GOPC: variants seen among roughly 807,000 people sequenced by gnomAD.
The protein encoded by GOPC is golgi associated PDZ and coiled-coil motif containing.
A neutral mutation model predicts 51.2 loss-of-function variants in GOPC; 32 were observed. That is an observed-to-expected ratio of 0.63 (90% confidence interval 0.47 to 0.84). GOPC has a LOEUF of 0.84. Among genes scored for constraint, GOPC ranks in the 40% least tolerant of loss-of-function variants. GOPC has a pLI of 0.00. For missense variants in GOPC, 441 were observed against 555.5 expected (o/e 0.79, Z 2.07); for synonymous variants, 190 against 205.1 (o/e 0.93, Z 0.63).
Position 117,561,651 on chromosome 6 carries a change from T to A in GOPC, c.*1603A>T, listed in dbSNP as rs1212609061. 1 of 202,830 alleles carries A rather than the reference T, an allele frequency of 4.9e-6. No individual in the cohort carries two copies. The highest frequency in any genetic ancestry group is 1.0e-5 in the Non-Finnish European group (1 of 98,580). 12.6% of individuals were successfully genotyped at this position (202,830 alleles called of 1,614,324 possible). A position where few individuals can be genotyped will look rare whatever the true frequency, so the allele number is the denominator to read the frequency against. On this transcript the variant is annotated 3_prime_UTR_variant, in exon 9 of 9. Transcript: ENST00000368498. ...AATAACATGTAACTTGCTTATTCAT[T>A]TGTACAATTAAATACTAGCTTTTGC...
chr6:117,578,771 A>G (rs1486543038), intron 2 of GOPC, 129 bp downstream of exon 2: 7 of 498,406 alleles, frequency 1.4e-5, no homozygotes, highest in Non-Finnish European at 2.3e-5. Flanking sequence ...CATAAACTTT[A>G]TATTTCTTAT....
At chr6:117,568,663 G>A (rs1464184432) in intron 7 of GOPC, among the ~76,000 whole-genome samples, 1 of 152,166 alleles carries the variant, frequency 6.6e-6, no homozygotes, top group Non-Finnish European at 1.5e-5. Context: ...AGTTTTAGAT[G>A]ACAGAATTAG....
Position 117,567,010 on chromosome 6 carries a change from C to T in GOPC, c.1102G>A (p.Val368Ile). 1 of 1,594,044 alleles carries T rather than the reference C, an allele frequency of 6.3e-7. No individual in the cohort carries two copies. The highest frequency in any genetic ancestry group is 8.5e-7 in the Non-Finnish European group (1 of 1,174,024). The change falls in exon 8 of 9, where the codon GTT becomes ATT. Residue 368 changes from valine to isoleucine, a missense_variant. Val to Ile is a conservative substitution (Grantham distance 29). Coordinates refer to ENST00000368498, the MANE Select transcript of GOPC (RefSeq NM_020399.4). ...QQRGEIEFEV[V>I]YVAPEVDSDD... ...GAATCCACTTCAGGAGCCACATAAACTACTTCAAATTCAATCTCTCCTCTC... is the reference window on the plus strand; with the variant it reads ...GAATCCACTTCAGGAGCCACATAAATTACTTCAAATTCAATCTCTCCTCTC...
Position 117,566,954 on chromosome 6 carries a change from C to T in GOPC, c.1158G>A (p.Glu386=). 6.2e-7 allele frequency: 1 copy of T among 1,611,818 alleles called. No individual in the cohort carries two copies. Among genetic ancestry groups the T allele is most frequent in the Non-Finnish European group, 8.5e-7 (1 of 1,179,000 alleles). ...GGTACAAACGGTAACGATGTCCACT[C>T]TCATCTTCATACTCTACGTTTTCAT... ...SDDENVEYED[E]SGHRYRLYLD... The change falls in exon 8 of 9, where the codon GAG becomes GAA. Residue 386 remains glutamate, a synonymous_variant. Transcript: ENST00000368498.
chr6:117,564,763 G>C (rs1468972312), intron 8 of GOPC, among the ~76,000 whole-genome samples: 1 of 152,206 alleles, frequency 6.6e-6, no homozygotes, highest in Non-Finnish European at 1.5e-5. Context: ...AACAGCAAGT[G>C]TGAAATACAA....
At chr6:117,586,018 T>C (rs558191395) in intron 1 of GOPC, among the ~76,000 whole-genome samples, 21 of 152,254 alleles carry the variant, frequency 1.4e-4, no homozygotes, top group Non-Finnish European at 3.1e-4. Flanking sequence ...TAATTGCTTC[T>C]ACACCTTTTG....
intron 7 of GOPC, 43 bp downstream of exon 7, chr6:117,569,529 A>C: frequency 1.2e-6 from 2 of 1,603,554 alleles, no homozygotes; most frequent in Non-Finnish European, 1.7e-6. Flanking sequence ...TAGATTCATA[A>C]CCAATTGATA....
At chr6:117,584,230 G>A (rs779669266) in intron 1 of GOPC, among the ~76,000 whole-genome samples, 1 of 152,124 alleles carries the variant, frequency 6.6e-6, no homozygotes, top group African/African-American at 2.4e-5. Flanking sequence ...CAACAAACAA[G>A]CAATCAATTT....
chr6:117,577,410 C>T (rs777628164), intron 3 of GOPC, 38 bp downstream of exon 3: 6 of 1,572,118 alleles, frequency 3.8e-6, no homozygotes, highest in Admixed American at 3.5e-5. Flanking sequence ...AACACTTCAG[C>T]GTGACATATT....
intron 7 of GOPC, among the ~76,000 whole-genome samples, chr6:117,569,027 A>G (rs1779754200): frequency 6.6e-6 from 1 of 152,218 alleles, no homozygotes; most frequent in South Asian, 2.1e-4. Context: ...ATGACTCCTG[A>G]GTATGAATCT....
chr6:117,579,421 G>A (rs1357603397), intron 1 of GOPC, among the ~76,000 whole-genome samples: 2 of 152,106 alleles, frequency 1.3e-5, no homozygotes, highest in Non-Finnish European at 2.9e-5. Context: ...GAGACAATGT[G>A]TGCTGTGGTG....
In GOPC at chr6:117,575,133, C is replaced by A. The variant is rs562501807; in HGVS notation, c.650+44G>T. 5.8e-6 allele frequency: 8 copies of A among 1,390,712 alleles called. No homozygotes were observed. In the South Asian group the frequency reaches 1.1e-4, roughly 18 times the overall value. The allele number at this position is 1,390,712 out of a possible 1,614,324, so 86.1% of individuals were successfully genotyped here. ...GTAAGAGTCAACCTCATTAAATATC[C>A]AATTTGTCACTTAAGAGTACAATAA... On this transcript the variant is annotated intron_variant, in intron 4 of 8. Transcript: ENST00000368498.
At position 117,577,414 on chromosome 6, in the gene GOPC, A is replaced by G. The variant is rs1490732149; in HGVS notation, c.474+34T>C. ...AAAACACTAAGAACACTTCAGCGTGACATATTAAAGCAAAACAGAAACAAT... is the reference window on the plus strand; with the variant it reads ...AAAACACTAAGAACACTTCAGCGTGGCATATTAAAGCAAAACAGAAACAAT... On this transcript the variant is annotated intron_variant, in intron 3 of 8. Transcript: ENST00000368498. The G allele has an allele frequency of 2.5e-6, 4 of 1,583,570 alleles. No individual in the cohort carries two copies. In the Admixed American group the frequency reaches 5.2e-5, roughly 21 times the overall value.
At chr6:117,597,725 T>C (rs1160136563) in intron 1 of GOPC, among the ~76,000 whole-genome samples, 1 of 152,180 alleles carries the variant, frequency 6.6e-6, no homozygotes, top group African/African-American at 2.4e-5. Flanking sequence ...AATTTTAAGA[T>C]GTAATCTATG....
intron 1 of GOPC, among the ~76,000 whole-genome samples, chr6:117,591,786 AT>A (rs1269129339): frequency 6.6e-6 from 1 of 152,184 alleles, no homozygotes; most frequent in Admixed American, 6.5e-5. Context: ...GGGCCAAAGA[AT>A]TTGAATTTTA....
rs1202336850 is a variant in GOPC, at chr6:117,570,885, T to C, written c.887A>G (p.His296Arg). The change falls in exon 6 of 9, where the codon CAT (histidine) becomes CGT (arginine). Residue 296 changes from histidine to arginine, a missense_variant. Physicochemically the swap from His to Arg is conservative, Grantham distance 29. Coordinates refer to ENST00000368498, the MANE Select transcript of GOPC (RefSeq NM_020399.4). ...IRKVLLLKED[H>R]EGLGISITGG... ...TGTAATTGAAATGCCAAGGCCTTCA[T>C]GATCTTCCTTAAGGAGGAGAACTTT... The C allele has an allele frequency of 1.9e-6, 3 of 1,588,668 alleles. No homozygotes were observed. Among genetic ancestry groups the C allele is most frequent in the African/African-American group, 2.7e-5 (2 of 74,294 alleles).
rs371419043 is a variant in GOPC at position 117,566,953 on chromosome 6, T to G, written c.1159A>C (p.Ser387Arg). The G allele has an allele frequency of 1.2e-6, 2 of 1,611,882 alleles. No individual in the cohort carries two copies. Among genetic ancestry groups the G allele is most frequent in the Non-Finnish European group, 1.7e-6 (2 of 1,179,016 alleles). ...DDENVEYEDE[S>R]GHRYRLYLDE... The stretch of plus-strand genomic sequence containing the variant: ...AGGTACAAACGGTAACGATGTCCAC[T>G]CTCATCTTCATACTCTACGTTTTCA... Residue 387 changes from serine to arginine, a missense_variant, in exon 8 of 9, where the codon AGT becomes CGT. By Grantham distance (110) the Ser-to-Arg change is moderately radical (BLOSUM62 -1). This residue lies in a region of GOPC where 166 missense variants were observed against 267.0 expected (regional missense o/e 0.62). Transcript: ENST00000368498.
At position 117,562,463 on chromosome 6, in the gene GOPC, G is replaced by C. The variant is rs189491643; in HGVS notation, c.*791C>G. The C allele has an allele frequency of 6.0e-4, 122 of 203,134 alleles. No individual in the cohort carries two copies. The highest frequency in any genetic ancestry group is 1.5e-3 in the South Asian group (8 of 5,270). The allele number at this position is 203,134 out of a possible 1,614,324, so 12.6% of individuals were successfully genotyped here. A position where few individuals can be genotyped will look rare whatever the true frequency, so the allele number is the denominator to read the frequency against. ...GTCTTTTGTGGACCCCAGAAAACAA[G>C]CATTTGAGGCTCAACATGAATGGGT... On this transcript the variant is annotated 3_prime_UTR_variant, in exon 9 of 9. Transcript: ENST00000368498.
At chr6:117,582,578 G>A (rs1021654421) in intron 1 of GOPC, among the ~76,000 whole-genome samples, 8 of 151,358 alleles carry the variant, frequency 5.3e-5, no homozygotes, top group African/African-American at 1.2e-4. Flanking sequence ...GCTGGACTTC[G>A]GGCACAGGCA....
Sources: gnomAD v4.1 joint callset for allele counts (sites outside exome capture counted in the v4.1 genomes callset) on GRCh38, gnomAD v4.1.1 for gene constraint, gnomAD v4.1.1 regional missense constraint, MANE v1.5 for transcripts, NCBI Gene and HGNC (gene_info 2026-07-23, HGNC 2026-07-21) for gene names.